GTF2H1: variants seen among roughly 807,000 people sequenced by gnomAD.
The protein encoded by GTF2H1 is general transcription factor IIH subunit 1.
Under a neutral mutation model 71.2 loss-of-function variants are expected in GTF2H1, and 16 were observed. The observed-to-expected ratio is 0.22, with a 90% CI of 0.15 to 0.34. The LOEUF is 0.34. Among genes scored for constraint, GTF2H1 ranks in the 10% least tolerant of loss-of-function variants. The pLI is 1.00. For synonymous variants in GTF2H1, 215 were observed against 219.0 expected, an observed-to-expected ratio of 0.98 and a Z score of 0.16; for missense variants, 498 against 648.2, an observed-to-expected ratio of 0.77 and a Z score of 2.52.
intron 7 of GTF2H1, among the ~76,000 whole-genome samples, chr11:18,345,901 C>T (rs1344874529): frequency 2.0e-5 from 3 of 151,654 alleles, no homozygotes; most frequent in African/African-American, 7.3e-5. Context: ...TGCCATTCTC[C>T]TGCCTCAGCC....
chr11:18,330,096 T>C (rs1390315329), intron 1 of GTF2H1, among the ~76,000 whole-genome samples: 1 of 152,234 alleles, frequency 6.6e-6, no homozygotes, highest in Non-Finnish European at 1.5e-5. Context: ...TCAAAACGCA[T>C]CGAACAGAAT....
chr11:18,366,770 A>G lies in GTF2H1; in HGVS notation c.*901A>G, dbSNP rs1488792112. The G allele has an allele frequency of 6.6e-6, 1 of 152,500 alleles. No individual in the cohort carries two copies. Among genetic ancestry groups the G allele is most frequent in the Non-Finnish European group, 1.5e-5 (1 of 68,016 alleles). The allele number at this position is 152,500 out of a possible 1,614,324, so 9.4% of individuals were successfully genotyped here. On this transcript the variant is annotated 3_prime_UTR_variant, in exon 15 of 15. Coordinates refer to ENST00000265963, the MANE Select transcript of GTF2H1 (RefSeq NM_005316.4). ...CTTATGAGTGAGAAATATTAAAAAAATCTTATTTTCACCTCTTTAGAAGAA... is the reference window on the plus strand; with the variant it reads ...CTTATGAGTGAGAAATATTAAAAAAGTCTTATTTTCACCTCTTTAGAAGAA...
intron 12 of GTF2H1, chr11:18,358,243 G>A: frequency 3.4e-6 from 2 of 596,408 alleles, no homozygotes; most frequent in Non-Finnish European, 6.0e-6. Flanking sequence ...ATTACAAATA[G>A]TGGTACATTG....
At chr11:18,358,379 A>G (rs1401396765) in intron 12 of GTF2H1, 146 bp from the exon 13 acceptor site, 18 of 577,366 alleles carry the variant, frequency 3.1e-5, no homozygotes, top group Non-Finnish European at 3.1e-6. Context: ...CAGCCACAAA[A>G]TTACTAACTT....
At chr11:18,362,281 A>G (rs1247442929) in intron 14 of GTF2H1, among the ~76,000 whole-genome samples, 1 of 152,118 alleles carries the variant, frequency 6.6e-6, no homozygotes, top group Non-Finnish European at 1.5e-5. Flanking sequence ...GTCCACCTGT[A>G]AAGGGCATTT....
At chr11:18,331,967 C>G (rs1205767100) in intron 1 of GTF2H1, among the ~76,000 whole-genome samples, 1 of 152,136 alleles carries the variant, frequency 6.6e-6, no homozygotes, top group Non-Finnish European at 1.5e-5. Flanking sequence ...TCAAGCAATT[C>G]TCCCCCTTTG....
chr11:18,347,488 TAA>T, intron 7 of GTF2H1, 98 bp from the exon 8 acceptor site: 1 of 680,430 alleles, frequency 1.5e-6, no homozygotes, highest in East Asian at 2.8e-5. Context: ...TGAGAAGTAA[TAA>T]AAGTCCCATC....
intron 5 of GTF2H1, among the ~76,000 whole-genome samples, chr11:18,339,978 A>G (rs1025398434): frequency 2.6e-5 from 4 of 152,150 alleles, no homozygotes; most frequent in Admixed American, 6.5e-5. Context: ...CCTTGACCCC[A>G]GCCTCAGTGA....
rs530512508 is a variant in GTF2H1 at position 18,355,546 on chromosome 11, C to T, written c.1261-2406C>T. Among the ~76,000 whole-genome samples, 7 of 152,054 alleles carry T rather than the reference C, an allele frequency of 4.6e-5. 1 individual carries two copies. The South Asian group carries it at 1.5e-3, about 32-fold the overall frequency. ...TTCGAGACAGGGTCTCACTTTGTCCCCCAGGCTGGAGTGTAGTGGCACAAT... is the reference window on the plus strand; with the variant it reads ...TTCGAGACAGGGTCTCACTTTGTCCTCCAGGCTGGAGTGTAGTGGCACAAT... On this transcript the variant is annotated intron_variant, in intron 11 of 14. Coordinates refer to ENST00000265963, the MANE Select transcript of GTF2H1 (RefSeq NM_005316.4).
intron 2 of GTF2H1, among the ~76,000 whole-genome samples, chr11:18,334,111 G>C (rs1864965693): frequency 1.3e-5 from 2 of 152,178 alleles, no homozygotes; most frequent in African/African-American, 4.8e-5. Flanking sequence ...CGGGCGCGGT[G>C]GCTCACGCCT....
chr11:18,341,728 T>C (rs1369815862), intron 7 of GTF2H1, 121 bp downstream of exon 7: 1 of 601,198 alleles, frequency 1.7e-6, no homozygotes, highest in African/African-American at 1.9e-5. Flanking sequence ...TACTGTTACT[T>C]GAAGTGATTT....
At chr11:18,346,243 G>A (rs1865290454) in intron 7 of GTF2H1, among the ~76,000 whole-genome samples, 1 of 152,158 alleles carries the variant, frequency 6.6e-6, no homozygotes, top group Non-Finnish European at 1.5e-5. Flanking sequence ...ATAGAGACAA[G>A]GTCTCACTGT....
chr11:18,356,309 C>T (rs1865543175), intron 11 of GTF2H1, among the ~76,000 whole-genome samples: 1 of 144,044 alleles, frequency 6.9e-6, no homozygotes, highest in Admixed American at 7.3e-5. Flanking sequence ...GCCTGGGAGG[C>T]GGAGGTTGCA....
chr11:18,336,277 C>T (rs931056177), intron 3 of GTF2H1, among the ~76,000 whole-genome samples: 15 of 152,054 alleles, frequency 9.9e-5, no homozygotes, highest in African/African-American at 3.6e-4. Context: ...CAGGCATGTG[C>T]CACCATGCCC....
chr11:18,339,701 T>C (rs1349965198), intron 5 of GTF2H1, 44 bp downstream of exon 5: 3 of 1,078,760 alleles, frequency 2.8e-6, no homozygotes, highest in Non-Finnish European at 1.4e-6. Context: ...TATATGGATA[T>C]ATTCTATAGT....
rs533351319 is a variant in GTF2H1 at position 18,349,615 on chromosome 11, G to A, written c.1053+1696G>A. ...GCAAAATCACTTGAACCTGGCAGGC[G>A]GAGTTCGCAGTGAGCTGGGATCGCG... On this transcript the variant is annotated intron_variant, in intron 9 of 14. Coordinates refer to ENST00000265963, the MANE Select transcript of GTF2H1 (RefSeq NM_005316.4). 5.3e-5 allele frequency among the ~76,000 whole-genome samples: 8 copies of A among 152,250 alleles called. No individual in the cohort carries two copies. In the South Asian group the frequency reaches 1.2e-3, roughly 24 times the overall value.
chr11:18,341,254 T>TC lies in GTF2H1; in HGVS notation c.608-5dup, dbSNP rs1865149476. 1 of 1,603,610 alleles carries TC rather than the reference T, an allele frequency of 6.2e-7. No homozygotes were observed. Among genetic ancestry groups the TC allele is most frequent in the Non-Finnish European group, 8.5e-7 (1 of 1,176,636 alleles). ...AGTATATAATATTTGTGGGTTTTTT[T>TC]CCACAGTAAAAATGAAATATGCAGA... On this transcript the variant is annotated splice_region_variant and splice_polypyrimidine_tract_variant and intron_variant, in intron 5 of 14. Transcript: ENST00000265963.
At chr11:18,331,318 A>C (rs1220305982) in intron 1 of GTF2H1, among the ~76,000 whole-genome samples, 1 of 152,046 alleles carries the variant, frequency 6.6e-6, no homozygotes, top group African/African-American at 2.4e-5. Flanking sequence ...AGCCTCCCAA[A>C]GTGCTGGGAT....
chr11:18,340,178 G>T (rs1292404574), intron 5 of GTF2H1, among the ~76,000 whole-genome samples: 2 of 152,102 alleles, frequency 1.3e-5, no homozygotes, highest in Non-Finnish European at 2.9e-5. Context: ...ATCCTGGCCA[G>T]TCCCAGTGGC....
Sources: allele counts gnomAD v4.1 joint callset (sites outside exome capture counted in the v4.1 genomes callset), GRCh38; gene constraint gnomAD v4.1.1; transcripts MANE v1.5; gene names NCBI Gene and HGNC (gene_info 2026-07-23, HGNC 2026-07-21).